LGSN: variants seen among roughly 807,000 people sequenced by gnomAD.
LGSN encodes lengsin.
Under a neutral mutation model 19.5 loss-of-function variants are expected in LGSN, and 21 were observed. The observed-to-expected ratio is 1.07, with a 90% CI of 0.76 to 1.55. The LOEUF is 1.55. LGSN is among the 40% of genes most tolerant of loss of function. LGSN has a pLI of 0.00. For missense variants in LGSN, 673 were observed against 608.5 expected, an observed-to-expected ratio of 1.11 and a Z score of -1.12; for synonymous variants, 257 against 215.6, an observed-to-expected ratio of 1.19 and a Z score of -1.68.
the LGSN span, among the ~76,000 whole-genome samples, chr6:63,370,893 GAAC>G: frequency 6.6e-6 from 1 of 152,142 alleles, no homozygotes; most frequent in Non-Finnish European, 1.5e-5. Context: ...CCTGCTTTTT[GAAC>G]AAGAGGCCTG....
At chr6:63,537,604 C>T in the LGSN span, among the ~76,000 whole-genome samples, 2 of 152,190 alleles carry the variant, frequency 1.3e-5, no homozygotes, top group African/African-American at 4.8e-5. Context: ...TTGAATTCTG[C>T]ATTTGTTTGT....
At chr6:63,513,417 A>AT in the LGSN span, among the ~76,000 whole-genome samples, 27 of 150,322 alleles carry the variant, frequency 1.8e-4, no homozygotes, top group East Asian at 1.6e-3. Flanking sequence ...TAAAATGGGG[A>AT]TTTTTTTTTT....
the LGSN span, among the ~76,000 whole-genome samples, chr6:63,503,014 A>G: frequency 6.2e-4 from 94 of 152,340 alleles, no homozygotes; most frequent in Middle Eastern, 3.4e-3. Flanking sequence ...ATTTTTTGCC[A>G]TAAGAAAATT....
At chr6:63,406,750 G>C in the LGSN span, among the ~76,000 whole-genome samples, 6 of 151,768 alleles carry the variant, frequency 4.0e-5, no homozygotes, top group Non-Finnish European at 8.8e-5. Flanking sequence ...CTGGTTTTTT[G>C]AAAGGATCAA....
the LGSN span, among the ~76,000 whole-genome samples, chr6:63,540,842 C>CA: frequency 0.096 from 12,734 of 132,882 alleles, 569 homozygotes; most frequent in East Asian, 0.17. Flanking sequence ...GCTGAAAATA[C>CA]AAAAAAAAAA....
At chr6:63,336,285 ATACCT>A in the LGSN span, among the ~76,000 whole-genome samples, 1 of 152,208 alleles carries the variant, frequency 6.6e-6, no homozygotes, top group Non-Finnish European at 1.5e-5. Context: ...TGGATAATTG[ATACCT>A]TAAATACTTG....
chr6:63,429,805 G>A, the LGSN span, among the ~76,000 whole-genome samples: 1 of 151,266 alleles, frequency 6.6e-6, no homozygotes, highest in Admixed American at 6.6e-5. Flanking sequence ...AAGGCCACTA[G>A]AGACCCAAGC....
chr6:63,496,019 C>T, the LGSN span, among the ~76,000 whole-genome samples: 6 of 152,048 alleles, frequency 3.9e-5, no homozygotes, highest in African/African-American at 7.2e-5. Flanking sequence ...CTCTGCCTCC[C>T]GGGTTCAAGC....
At chr6:63,400,319 G>C in the LGSN span, among the ~76,000 whole-genome samples, 15 of 152,196 alleles carry the variant, frequency 9.9e-5, no homozygotes, top group African/African-American at 1.9e-4. Context: ...AGAAGGGCAA[G>C]AATATTTCCT....
chr6:63,405,433 G>C, the LGSN span, among the ~76,000 whole-genome samples: 4 of 152,154 alleles, frequency 2.6e-5, no homozygotes, highest in African/African-American at 9.7e-5. Context: ...CAGTGTAAAA[G>C]TGTTCCTATT....
At chr6:63,505,581 GA>G in the LGSN span, among the ~76,000 whole-genome samples, 1 of 79,798 alleles carries the variant, frequency 1.3e-5, no homozygotes, top group East Asian at 6.9e-4. Flanking sequence ...AAGAAAGAAA[GA>G]AAGAAAGAAA....
At chr6:63,521,924 C>T in the LGSN span, 1 of 152,200 alleles carries the variant, frequency 6.6e-6, no homozygotes, top group African/African-American at 2.4e-5. Context: ...ATCTAATTCT[C>T]TTATTTTACA....
the LGSN span, among the ~76,000 whole-genome samples, chr6:63,383,194 C>T: frequency 6.6e-6 from 1 of 151,974 alleles, no homozygotes; most frequent in African/African-American, 2.4e-5. Flanking sequence ...AATTTCTGAG[C>T]TCAAGCAATT....
At chr6:63,547,876 T>A in the LGSN span, among the ~76,000 whole-genome samples, 5 of 152,186 alleles carry the variant, frequency 3.3e-5, no homozygotes, top group African/African-American at 1.2e-4. Flanking sequence ...TCTTGCACTT[T>A]CCAACACTTA....
the LGSN span, among the ~76,000 whole-genome samples, chr6:63,452,683 C>G: frequency 5.0e-3 from 764 of 151,852 alleles, 3 homozygotes; most frequent in South Asian, 0.024. Flanking sequence ...CTCTGTCTCT[C>G]TCTTTTCTGT....
At chr6:63,522,862 CT>C in the LGSN span, among the ~76,000 whole-genome samples, 2,726 of 126,354 alleles carry the variant, frequency 0.022, 23 homozygotes, top group African/African-American at 0.049. Context: ...GACTAAATCA[CT>C]TTTTTTTTTT....
the LGSN span, among the ~76,000 whole-genome samples, chr6:63,429,678 GT>G: frequency 1.3e-5 from 2 of 150,868 alleles, no homozygotes; most frequent in Admixed American, 1.3e-4. Flanking sequence ...AGAGTTAGTG[GT>G]TGCAGTGAGC....
the LGSN span, chr6:63,480,246 T>C: frequency 9.1e-6 from 2 of 219,222 alleles, no homozygotes; most frequent in South Asian, 1.7e-4. Context: ...GTGGCAGTAA[T>C]TGAAGCAGTC....
At chr6:63,405,465 CTGA>C in the LGSN span, among the ~76,000 whole-genome samples, 2 of 152,140 alleles carry the variant, frequency 1.3e-5, no homozygotes, top group African/African-American at 4.8e-5. Flanking sequence ...TCTTCAGCAC[CTGA>C]TGTTTCCTGA....
Sources: gnomAD v4.1 joint callset for allele counts (sites outside exome capture counted in the v4.1 genomes callset) on GRCh38, gnomAD v4.1.1 for gene constraint, MANE v1.5 for transcripts, NCBI Gene and HGNC (gene_info 2026-07-23, HGNC 2026-07-21) for gene names.